PEBP4: variants seen among roughly 807,000 people sequenced by gnomAD.
PEBP4 encodes phosphatidylethanolamine binding protein 4, also known as phosphatidylethanolamine-binding protein 4.
In PEBP4, 22 loss-of-function variants were observed where a neutral mutation model predicts 23.9. That is an observed-to-expected ratio of 0.92 (90% CI 0.66 to 1.31). The LOEUF is 1.31. Ranked by LOEUF, PEBP4 falls within the 40% of genes most tolerant of loss-of-function variation. PEBP4 has a pLI of 0.00. For synonymous variants in PEBP4, 112 were observed against 99.3 expected, an observed-to-expected ratio of 1.13 and a Z score of -0.76; for missense variants, 324 against 281.7, an observed-to-expected ratio of 1.15 and a Z score of -1.07.
At chr8:22,765,594 T>G (rs1805596780) in intron 4 of PEBP4, among the ~76,000 whole-genome samples, 1 of 152,236 alleles carries the variant, frequency 6.6e-6, no homozygotes, top group South Asian at 2.1e-4. Context: ...GCTAGCATAA[T>G]AGAAAACAAA....
At chr8:22,764,979 C>A (rs954460374) in intron 4 of PEBP4, among the ~76,000 whole-genome samples, 1 of 152,224 alleles carries the variant, frequency 6.6e-6, no homozygotes, top group East Asian at 1.9e-4. Context: ...CCAGGCAGGG[C>A]CCCACATTTC....
At chr8:22,854,205 G>A (rs1807597174) in intron 3 of PEBP4, among the ~76,000 whole-genome samples, 1 of 152,204 alleles carries the variant, frequency 6.6e-6, no homozygotes, top group African/African-American at 2.4e-5. Context: ...CTCTAGGTAA[G>A]TGAGGAGCTT....
chr8:22,713,306 T>G lies in PEBP4; in HGVS notation c.*64A>C. The G allele has an allele frequency of 2.0e-6, 3 of 1,509,830 alleles. No individual in the cohort carries two copies. The South Asian group carries it at 4.0e-5, about 20-fold the overall frequency. 93.5% of individuals were successfully genotyped at this position (1,509,830 alleles called of 1,614,324 possible). A position where few individuals can be genotyped will look rare whatever the true frequency, so the allele number is the denominator to read the frequency against. ...GAAGGGGTTCTGTATCCAGAGGGGG[T>G]TCCATACCCACATCGTCGGTGGTGG... On this transcript the variant is annotated 3_prime_UTR_variant, in exon 7 of 7. Coordinates refer to ENST00000256404, the MANE Select transcript of PEBP4 (RefSeq NM_144962.3).
intron 3 of PEBP4, among the ~76,000 whole-genome samples, chr8:22,847,099 C>G (rs1454341476): frequency 6.6e-6 from 1 of 152,186 alleles, no homozygotes; most frequent in Non-Finnish European, 1.5e-5. Context: ...CCAATCCACA[C>G]CCCCAAAACA....
intron 6 of PEBP4, among the ~76,000 whole-genome samples, chr8:22,721,722 C>A (rs1392254269): frequency 6.6e-6 from 1 of 152,252 alleles, no homozygotes; most frequent in South Asian, 2.1e-4. Flanking sequence ...ACCCCTGACA[C>A]CCTGCTTCCT....
chr8:22,818,934 T>A (rs886843110), intron 3 of PEBP4, among the ~76,000 whole-genome samples: 1 of 152,142 alleles, frequency 6.6e-6, no homozygotes, highest in African/African-American at 2.4e-5. Context: ...CTTGAGCAAC[T>A]GGGCCATTAA....
intron 4 of PEBP4, among the ~76,000 whole-genome samples, chr8:22,807,715 T>C (rs1193495423): frequency 6.6e-6 from 1 of 152,164 alleles, no homozygotes; most frequent in East Asian, 1.9e-4. Flanking sequence ...GCTCATAATT[T>C]CAACTCTTAT....
At chr8:22,845,924 C>T (rs1014850052) in intron 3 of PEBP4, among the ~76,000 whole-genome samples, 1 of 152,250 alleles carries the variant, frequency 6.6e-6, no homozygotes, top group Admixed American at 6.5e-5. Flanking sequence ...CAGCCAGGCC[C>T]TGGATGGGCA....
intron 3 of PEBP4, among the ~76,000 whole-genome samples, chr8:22,902,371 C>T (rs892602408): frequency 2.0e-5 from 3 of 152,136 alleles, no homozygotes; most frequent in African/African-American, 2.4e-5. Flanking sequence ...TAAAATCCTA[C>T]GTCCTAACTC....
At chr8:22,772,811 C>T (rs1413736638) in intron 4 of PEBP4, among the ~76,000 whole-genome samples, 1 of 152,162 alleles carries the variant, frequency 6.6e-6, no homozygotes, top group Non-Finnish European at 1.5e-5. Flanking sequence ...GAAGATTCTG[C>T]TTCCCATGAC....
intron 4 of PEBP4, among the ~76,000 whole-genome samples, chr8:22,776,677 C>T (rs1805820737): frequency 6.6e-6 from 1 of 151,658 alleles, no homozygotes; most frequent in South Asian, 2.1e-4. Context: ...CTTTCACCAT[C>T]TATTCCCCAA....
At chr8:22,747,950 C>T (rs1805164128) in intron 4 of PEBP4, among the ~76,000 whole-genome samples, 1 of 152,170 alleles carries the variant, frequency 6.6e-6, no homozygotes, top group Admixed American at 6.5e-5. Context: ...GGTCCTGGCG[C>T]TGGAGGAGAG....
chr8:22,874,992 G>T (rs985175372), intron 3 of PEBP4, among the ~76,000 whole-genome samples: 17 of 151,622 alleles, frequency 1.1e-4, no homozygotes, highest in African/African-American at 4.1e-4. Context: ...GGTTCTGGTG[G>T]TCTACCTGCC....
intron 3 of PEBP4, among the ~76,000 whole-genome samples, chr8:22,828,824 T>C (rs1047410960): frequency 6.6e-6 from 1 of 152,188 alleles, no homozygotes. Context: ...ATGGCCTCTC[T>C]GGTTCCTGGG....
intron 4 of PEBP4, among the ~76,000 whole-genome samples, chr8:22,796,346 G>T (rs1401503037): frequency 1.3e-5 from 2 of 151,998 alleles, no homozygotes; most frequent in Non-Finnish European, 2.9e-5. Context: ...TTGAGGTCAG[G>T]AATTTAATCC....
chr8:22,731,175 T>A (rs1164552349), intron 4 of PEBP4, among the ~76,000 whole-genome samples: 1 of 152,232 alleles, frequency 6.6e-6, no homozygotes, highest in Non-Finnish European at 1.5e-5. Context: ...TATAAACAGA[T>A]GTTTTTTCGA....
At position 22,819,732 on chromosome 8, in the gene PEBP4, A is replaced by G. The variant is rs866138738; in HGVS notation, c.259-1997T>C. ...CGCCATTCTCCTGCCTCAGCCTCCC[A>G]AGTAGCTGGGACTACAGGCGCCCGC... On this transcript the variant is annotated intron_variant, in intron 3 of 6. Coordinates refer to ENST00000256404, the MANE Select transcript of PEBP4 (RefSeq NM_144962.3). Among the ~76,000 whole-genome samples, 86 of 152,044 alleles carry G rather than the reference A, an allele frequency of 5.7e-4. 2 individuals are homozygous for G. In the South Asian group the frequency reaches 5.8e-3, roughly 10 times the overall value.
At chr8:22,755,326 C>CTTTTTTTTTTTTTTTTTTTT (rs547269095) in intron 4 of PEBP4, among the ~76,000 whole-genome samples, 1 of 114,592 alleles carries the variant, frequency 8.7e-6, no homozygotes, top group African/African-American at 3.3e-5. Context: ...TTCTCTCCCT[C>CTTTTTTTTTTTTTTTTTTTT]TTTTTTTTTT....
At chr8:22,920,152 C>T in intron 3 of PEBP4, 32 bp downstream of exon 3, 2 of 1,588,026 alleles carry the variant, frequency 1.3e-6, no homozygotes, top group Non-Finnish European at 1.7e-6. Context: ...CCCCAACTGT[C>T]CCCCCGCTTT....
Sources: gnomAD v4.1 joint callset for allele counts (sites outside exome capture counted in the v4.1 genomes callset) on GRCh38, gnomAD v4.1.1 for gene constraint, MANE v1.5 for transcripts, NCBI Gene and HGNC (gene_info 2026-07-23, HGNC 2026-07-21) for gene names.